Variants in SRGAP2 observed in about 807,000 individuals in gnomAD.
The protein encoded by SRGAP2 is SLIT-ROBO Rho GTPase activating protein 2, also known as SLIT-ROBO Rho GTPase-activating protein 2.
SRGAP2 carries 15 observed loss-of-function variants against 57.2 expected under a neutral mutation model. That is an observed-to-expected ratio of 0.26 (90% CI 0.18 to 0.40). The LOEUF (loss-of-function observed/expected upper bound fraction) is 0.40. Ranked by LOEUF, SRGAP2 falls within the 10% of genes least tolerant of loss-of-function variation. SRGAP2 has a pLI of 1.00. For synonymous variants in SRGAP2, 249 were observed against 248.0 expected (o/e 1.00, Z -0.04); for missense variants, 520 against 669.6 (o/e 0.78, Z 2.47).
At chr1:206,452,260 T>C (rs1663384419) in intron 19 of SRGAP2, among the ~76,000 whole-genome samples, 1 of 152,176 alleles carries the variant, frequency 6.6e-6, no homozygotes, top group African/African-American at 2.4e-5. Flanking sequence ...CGTAGACCCC[T>C]TTTACTTTTT....
intron 4 of SRGAP2, among the ~76,000 whole-genome samples, chr1:206,370,693 T>C (rs562382919): frequency 2.6e-5 from 4 of 152,326 alleles, no homozygotes; most frequent in Non-Finnish European, 4.4e-5. Context: ...ACCTTGCAAA[T>C]ATACTAATAG....
intron 19 of SRGAP2, among the ~76,000 whole-genome samples, chr1:206,452,794 G>C (rs1447765338): frequency 6.8e-6 from 1 of 147,992 alleles, no homozygotes; most frequent in African/African-American, 2.5e-5. Context: ...GCTGAGGCAG[G>C]AGAATCGCGT....
At chr1:206,303,690 C>T (rs1672004481) in intron 3 of SRGAP2, among the ~76,000 whole-genome samples, 1 of 152,134 alleles carries the variant, frequency 6.6e-6, no homozygotes, top group Non-Finnish European at 1.5e-5. Context: ...CTAATAATAA[C>T]AGCAAACTTG....
chr1:206,239,411 A>G (rs1668070797), intron 2 of SRGAP2, among the ~76,000 whole-genome samples: 1 of 151,774 alleles, frequency 6.6e-6, no homozygotes, highest in South Asian at 2.1e-4. Flanking sequence ...TGTGGTTGGC[A>G]TTAAATTGAT....
intron 3 of SRGAP2, among the ~76,000 whole-genome samples, chr1:206,311,129 T>A (rs1369726242): frequency 6.6e-6 from 1 of 150,720 alleles, no homozygotes; most frequent in Non-Finnish European, 1.5e-5. Context: ...TCAACTCATA[T>A]CTGACTGGCC....
chr1:206,423,047 A>C (rs1481390696), intron 13 of SRGAP2, among the ~76,000 whole-genome samples: 2 of 152,224 alleles, frequency 1.3e-5, no homozygotes, highest in Non-Finnish European at 2.9e-5. Flanking sequence ...TCAGGCAAAC[A>C]AGAGGAAGAA....
At chr1:206,436,036 C>G (rs1553369882) in intron 14 of SRGAP2, among the ~76,000 whole-genome samples, 1 of 152,112 alleles carries the variant, frequency 6.6e-6, no homozygotes, top group Non-Finnish European at 1.5e-5. Context: ...CAACCTGTGG[C>G]CCATGGGCTG....
intron 18 of SRGAP2, 64 bp downstream of exon 18, chr1:206,446,363 A>G: frequency 2.6e-6 from 2 of 765,114 alleles, no homozygotes; most frequent in South Asian, 1.4e-5. Flanking sequence ...TGGGAGCCAG[A>G]TGGCCACACG....
intron 14 of SRGAP2, among the ~76,000 whole-genome samples, chr1:206,434,027 C>T (rs1661510667): frequency 6.6e-6 from 1 of 152,148 alleles, no homozygotes; most frequent in Admixed American, 6.5e-5. Flanking sequence ...TGCTCATGAA[C>T]TCCCTAAAAA....
Position 206,278,404 on chromosome 1 carries a change from A to G in SRGAP2, c.68-24877A>G, listed in dbSNP as rs1413697300. On this transcript the variant is annotated intron_variant, in intron 2 of 22. Coordinates refer to ENST00000573034, the MANE Select transcript of SRGAP2 (RefSeq NM_015326.5). ...CTCTCTCTTGCCCAGGTTGGAGTGC[A>G]GTGGCACCATGATAGCTCATTGCAG... Among the ~76,000 whole-genome samples the G allele has an allele frequency of 4.4e-5, 6 of 135,428 alleles. No individual in the cohort carries two copies. The East Asian group carries it at 1.3e-3, about 28-fold the overall frequency. The allele number at this position is 135,428 out of a possible 152,430, so 88.8% of individuals were successfully genotyped here. A position where few individuals can be genotyped will look rare whatever the true frequency, so the allele number is the denominator to read the frequency against.
chr1:206,307,711 T>C (rs1278955398), intron 3 of SRGAP2, among the ~76,000 whole-genome samples: 1,800 of 152,340 alleles, frequency 0.012, 11 homozygotes, highest in South Asian at 0.027. Flanking sequence ...AAGTCCCCCA[T>C]TGCCCGGGGC....
At chr1:206,230,357 T>C (rs1270015185) in intron 2 of SRGAP2, among the ~76,000 whole-genome samples, 1 of 146,980 alleles carries the variant, frequency 6.8e-6, no homozygotes, top group African/African-American at 2.6e-5. Context: ...CTTACAGATA[T>C]ATCTGCCTGT....
rs11802034 is a variant in SRGAP2, at chr1:206,417,668, C to T, written c.1441+1695C>T. Among the ~76,000 whole-genome samples, 1,466 of 152,150 alleles carry T rather than the reference C, an allele frequency of 9.6e-3. 33 individuals are homozygous for T. The highest frequency in any genetic ancestry group is 0.034 in the African/African-American group (1,402 of 41,506). On this transcript the variant is annotated intron_variant, in intron 11 of 22. Transcript: ENST00000573034. ...CTCCTGACCTCAGGTGATCTGCCGG[C>T]CTCGGCCTCCCAAAGTGCTGGGATT...
chr1:206,302,453 C>T (rs1261055572), intron 2 of SRGAP2, among the ~76,000 whole-genome samples: 1 of 151,174 alleles, frequency 6.6e-6, no homozygotes, highest in Non-Finnish European at 1.5e-5. Flanking sequence ...CATGCTAGAG[C>T]TTAACCAGAA....
At chr1:206,214,879 T>C (rs1238639600) in intron 2 of SRGAP2, 1 of 152,134 alleles carries the variant, frequency 6.6e-6, no homozygotes, top group Admixed American at 6.5e-5. Flanking sequence ...CCTTAATTGC[T>C]CTGACCAGAA....
In SRGAP2 at chr1:206,365,245, G is replaced by T. The variant is rs1173471561; in HGVS notation, c.424-18769G>T. Among the ~76,000 whole-genome samples, 17 of 140,850 alleles carry T rather than the reference G, an allele frequency of 1.2e-4. No individual in the cohort carries two copies. In the East Asian group the frequency reaches 3.4e-3, roughly 28 times the overall value. The allele number at this position is 140,850 out of a possible 152,430, so 92.4% of individuals were successfully genotyped here. ...GGTCAATGGCCTACTTGACCTAGGC[G>T]AGAGGAGAAAGAGTTAAGGATAGGG... On this transcript the variant is annotated intron_variant, in intron 4 of 22. Transcript: ENST00000573034.
intron 2 of SRGAP2, among the ~76,000 whole-genome samples, chr1:206,227,709 C>A (rs1238190732): frequency 2.0e-5 from 3 of 152,102 alleles, no homozygotes; most frequent in African/African-American, 7.2e-5. Context: ...TTGGTGTATT[C>A]CTATTCATGA....
intron 21 of SRGAP2, among the ~76,000 whole-genome samples, chr1:206,458,206 G>A (rs185411849): frequency 2.0e-5 from 3 of 152,328 alleles, no homozygotes; most frequent in Middle Eastern, 3.4e-3. Context: ...ATTTAGAAAA[G>A]TTAACTATCC....
intron 2 of SRGAP2, among the ~76,000 whole-genome samples, chr1:206,298,553 A>C (rs1287643020): frequency 6.6e-6 from 1 of 152,118 alleles, no homozygotes; most frequent in East Asian, 1.9e-4. Flanking sequence ...TGTACAATTC[A>C]ATTTTTTAAA....
Sources: allele counts gnomAD v4.1 joint callset (sites outside exome capture counted in the v4.1 genomes callset), GRCh38; gene constraint gnomAD v4.1.1; transcripts MANE v1.5; gene names NCBI Gene and HGNC (gene_info 2026-07-23, HGNC 2026-07-21).